ATG7: variants seen among roughly 807,000 people sequenced by gnomAD.
ATG7 encodes the protein ubiquitin-like modifier-activating enzyme ATG7.
Under a neutral mutation model 82.4 loss-of-function variants are expected in ATG7, and 70 were observed. The observed-to-expected ratio is 0.85, with a 90% confidence interval of 0.70 to 1.04. The LOEUF (loss-of-function observed/expected upper bound fraction) is 1.04, where lower values mean the gene tolerates loss of function less well. Ranked by LOEUF, ATG7 falls within the 50% of genes least tolerant of loss-of-function variation. The pLI, the probability that ATG7 is intolerant of heterozygous loss-of-function variation, is 0.00. For missense variants in ATG7, 792 were observed against 864.3 expected, an observed-to-expected ratio of 0.92 and a Z score of 1.05; for synonymous variants, 287 against 313.0, an observed-to-expected ratio of 0.92 and a Z score of 0.88.
chr3:11,464,378 T>C (rs150799786), intron 20 of ATG7, among the ~76,000 whole-genome samples: 1 of 152,180 alleles, frequency 6.6e-6, no homozygotes, highest in African/African-American at 2.4e-5. Flanking sequence ...GTCTCAAAAT[T>C]AAAAATTAAA....
chr3:11,455,270 A>G (rs554687324), intron 20 of ATG7, among the ~76,000 whole-genome samples: 1 of 152,308 alleles, frequency 6.6e-6, no homozygotes, highest in South Asian at 2.1e-4. Flanking sequence ...TACAGTAGTA[A>G]AGTCCTAAAA....
chr3:11,307,477 C>T (rs1350367463), intron 6 of ATG7, among the ~76,000 whole-genome samples: 1 of 152,208 alleles, frequency 6.6e-6, no homozygotes. Context: ...ATCATGTAGT[C>T]TCTGCAGTGT....
rs185449450 is a variant in ATG7, at chr3:11,364,568, C to G, written c.1800-91C>G. The G allele has an allele frequency of 4.7e-4, 669 of 1,418,522 alleles. 5 individuals carry two copies. The African/African-American group carries it at 8.8e-3, about 19-fold the overall frequency. The allele number at this position is 1,418,522 out of a possible 1,614,324, so 87.9% of individuals were successfully genotyped here. A position where few individuals can be genotyped will look rare whatever the true frequency, so the allele number is the denominator to read the frequency against. ...CCCAGCAAGGGGCATTTTAGTTATC[C>G]TTATGAATCTTATGTAGATTTCTGC... On this transcript the variant is annotated intron_variant, in intron 17 of 20. Transcript: ENST00000693202.
At chr3:11,466,188 C>G (rs1037906743) in intron 20 of ATG7, among the ~76,000 whole-genome samples, 1 of 152,194 alleles carries the variant, frequency 6.6e-6, no homozygotes, top group Non-Finnish European at 1.5e-5. Flanking sequence ...CATCACAAGA[C>G]TTGTTATACA....
intron 20 of ATG7, chr3:11,446,561 A>G (rs954039457): frequency 3.0e-5 from 13 of 429,506 alleles, no homozygotes; most frequent in African/African-American, 8.3e-5. Context: ...CACACATCCA[A>G]TGACAGTGTT....
At chr3:11,558,437 T>A (rs1367275695), downstream of ATG7, 2 of 1,402,506 alleles carry the variant, frequency 1.4e-6, no homozygotes, top group Middle Eastern at 2.2e-4. Flanking sequence ...TTTTTGCAAA[T>A]AAACCATCCC....
chr3:11,427,848 A>G (rs1291085412), intron 20 of ATG7, among the ~76,000 whole-genome samples: 1 of 152,142 alleles, frequency 6.6e-6, no homozygotes, highest in African/African-American at 2.4e-5. Context: ...TGTTTTTCCA[A>G]ATGCTCGCTG....
chr3:11,378,027 A>ATTT lies in ATG7; in HGVS notation c.1876-1929_1876-1927dup, dbSNP rs61176051. Among the ~76,000 whole-genome samples the ATTT allele has an allele frequency of 5.9e-3, 546 of 92,728 alleles. 76 individuals are homozygous for ATTT. The highest frequency in any genetic ancestry group is 0.019 in the African/African-American group (353 of 18,718). The allele number at this position is 92,728 out of a possible 152,430, so 60.8% of individuals were successfully genotyped here. ...GCTATCTAACTTATACCAGTTACCAATTTTTTTTTTTTTTTTTTGAGATGG... is the reference window on the plus strand; with the variant it reads ...GCTATCTAACTTATACCAGTTACCAATTTTTTTTTTTTTTTTTTTTTGAGATGG... On this transcript the variant is annotated intron_variant, in intron 18 of 20. Transcript: ENST00000693202.
At chr3:11,321,132 T>C (rs1319576294) in intron 9 of ATG7, among the ~76,000 whole-genome samples, 2 of 152,226 alleles carry the variant, frequency 1.3e-5, no homozygotes, top group African/African-American at 4.8e-5. Flanking sequence ...AATCCACATG[T>C]GCACACAGTT....
chr3:11,484,043 G>A (rs2089329913), intron 20 of ATG7, among the ~76,000 whole-genome samples: 1 of 152,116 alleles, frequency 6.6e-6, no homozygotes, highest in Non-Finnish European at 1.5e-5. Flanking sequence ...GTATTATATG[G>A]GTAGTATTGC....
intron 19 of ATG7, among the ~76,000 whole-genome samples, chr3:11,399,677 C>T (rs1203935866): frequency 6.6e-6 from 1 of 152,134 alleles, no homozygotes; most frequent in Non-Finnish European, 1.5e-5. Flanking sequence ...CGGGCTCAGA[C>T]GATTCTCCTG....
At chr3:11,559,420 G>A (rs533854355), downstream of ATG7, 117 of 1,563,832 alleles carry the variant, frequency 7.5e-5, 2 homozygotes, top group South Asian at 5.4e-4. Context: ...AGTTGCGGGC[G>A]CCAGCCGAGG....
chr3:11,512,364 T>C (rs1349157325), intron 20 of ATG7, among the ~76,000 whole-genome samples: 1 of 152,244 alleles, frequency 6.6e-6, no homozygotes, highest in East Asian at 1.9e-4. Context: ...AGCCTGGTGC[T>C]GCAGCTTGGC....
intron 19 of ATG7, among the ~76,000 whole-genome samples, chr3:11,405,521 C>G (rs2080242805): frequency 6.6e-6 from 1 of 152,168 alleles, no homozygotes; most frequent in Non-Finnish European, 1.5e-5. Flanking sequence ...ACTATTTTTG[C>G]TGACATTGCT....
intron 11 of ATG7, among the ~76,000 whole-genome samples, chr3:11,337,690 C>T (rs1952767030): frequency 6.6e-6 from 1 of 151,828 alleles, no homozygotes; most frequent in Admixed American, 6.6e-5. Context: ...TTATGTTGCC[C>T]AGGCTGGCCT....
chr3:11,373,951 T>A (rs2077211323), intron 18 of ATG7, among the ~76,000 whole-genome samples: 1 of 152,240 alleles, frequency 6.6e-6, no homozygotes, highest in African/African-American at 2.4e-5. Flanking sequence ...AGCTTTGGGT[T>A]TTTGTTTACT....
At chr3:11,566,215 T>TA in the ATG7 span, among the ~76,000 whole-genome samples, 2 of 151,838 alleles carry the variant, frequency 1.3e-5, no homozygotes, top group African/African-American at 4.8e-5. Flanking sequence ...CACTGAATGT[T>TA]ACACACACGC....
intron 20 of ATG7, among the ~76,000 whole-genome samples, chr3:11,445,970 T>G (rs2084510313): frequency 6.6e-6 from 1 of 152,126 alleles, no homozygotes. Flanking sequence ...ACTCCAAAAA[T>G]TTTCATATGT....
intron 14 of ATG7, among the ~76,000 whole-genome samples, chr3:11,349,364 C>T (rs1575615024): frequency 6.6e-6 from 1 of 152,080 alleles, no homozygotes; most frequent in African/African-American, 2.4e-5. Flanking sequence ...CATAGTGAGA[C>T]CCTATCTCTT....
Sources: allele counts gnomAD v4.1 joint callset (sites outside exome capture counted in the v4.1 genomes callset), GRCh38; gene constraint gnomAD v4.1.1; transcripts MANE v1.5; gene names NCBI Gene and HGNC (gene_info 2026-07-23, HGNC 2026-07-21).